Variants in FRYL observed in about 807,000 individuals in gnomAD.
FRYL encodes protein furry homolog-like.
In FRYL, 150 loss-of-function variants were observed where a neutral mutation model predicts 351.2. That is an observed-to-expected ratio of 0.43 (90% CI 0.37 to 0.49). The LOEUF (loss-of-function observed/expected upper bound fraction) is 0.49. Among genes scored for constraint, FRYL ranks in the 20% least tolerant of loss-of-function variants. The probability of loss-of-function intolerance (pLI) is 0.00; values close to 1 mark genes in which losing one functional copy is unlikely to be tolerated. For synonymous variants in FRYL, 1,153 were observed against 1,257.1 expected, an observed-to-expected ratio of 0.92 and a Z score of 1.75; for missense variants, 3,036 against 3,619.3, an observed-to-expected ratio of 0.84 and a Z score of 4.13.
At chr4:48,501,864 T>C in intron 61 of FRYL, 131 bp from the exon 62 acceptor site, 3 of 619,648 alleles carry the variant, frequency 4.8e-6, no homozygotes, top group Non-Finnish European at 8.5e-6. Context: ...GGTATGAAGC[T>C]GATGAAAGGC....
At chr4:48,534,477 C>T in intron 49 of FRYL, 68 bp downstream of exon 49, 1 of 1,229,398 alleles carries the variant, frequency 8.1e-7, no homozygotes, top group Non-Finnish European at 1.2e-6. Flanking sequence ...TAAGGCATTT[C>T]CAATATTGTG....
rs74409222 is a variant in FRYL at position 48,582,851 on chromosome 4, T to A, written c.1749-117A>T. 152 of 710,576 alleles carry A rather than the reference T, an allele frequency of 2.1e-4. No homozygotes were observed. In the African/African-American group the frequency reaches 2.5e-3, roughly 12 times the overall value. 44.0% of individuals were successfully genotyped at this position (710,576 alleles called of 1,614,324 possible). On this transcript the variant is annotated intron_variant, in intron 19 of 63. Transcript: ENST00000358350. The stretch of plus-strand genomic sequence containing the variant: ...CCTCTTAGTTGTTTTGTAAGAAATA[T>A]GAAGATAGCAACCAATGATCACTTT...
chr4:48,669,360 T>C (rs1367373767), intron 3 of FRYL, among the ~76,000 whole-genome samples: 2 of 152,052 alleles, frequency 1.3e-5, no homozygotes, highest in Non-Finnish European at 2.9e-5. Flanking sequence ...TTATGAAACA[T>C]ATGGTGGTCC....
At chr4:48,708,688 G>T (rs999437661) in intron 2 of FRYL, among the ~76,000 whole-genome samples, 1 of 152,136 alleles carries the variant, frequency 6.6e-6, no homozygotes, top group African/African-American at 2.4e-5. Flanking sequence ...AACCTCTTGG[G>T]CTCAAGTAAT....
chr4:48,529,142 G>GA (rs1726959063), intron 50 of FRYL, among the ~76,000 whole-genome samples: 1 of 152,104 alleles, frequency 6.6e-6, no homozygotes, highest in Non-Finnish European at 1.5e-5. Context: ...CCTTTGCATG[G>GA]AATATCCACT....
intron 3 of FRYL, among the ~76,000 whole-genome samples, chr4:48,655,685 T>C (rs913599827): frequency 6.8e-6 from 1 of 147,132 alleles, no homozygotes; most frequent in African/African-American, 2.5e-5. Context: ...TATTATATAA[T>C]GTATATATTA....
intron 49 of FRYL, among the ~76,000 whole-genome samples, chr4:48,533,611 G>A (rs1728184241): frequency 1.3e-5 from 2 of 152,130 alleles, no homozygotes; most frequent in African/African-American, 2.4e-5. Context: ...AATCTATTAA[G>A]GTTGTTAATG....
chr4:48,736,358 T>C (rs1310489959), intron 1 of FRYL, among the ~76,000 whole-genome samples: 1 of 151,384 alleles, frequency 6.6e-6, no homozygotes, highest in African/African-American at 2.4e-5. Flanking sequence ...AAAATAAAAA[T>C]TAGAGTGGAA....
rs573469186 is a variant in FRYL at position 48,535,974 on chromosome 4, C to T, written c.6394-147G>A. 75 of 594,432 alleles carry T rather than the reference C, an allele frequency of 1.3e-4. 1 individual carries two copies. In the South Asian group the frequency reaches 2.6e-3, roughly 20 times the overall value. 36.8% of individuals were successfully genotyped at this position (594,432 alleles called of 1,614,324 possible). A position where few individuals can be genotyped will look rare whatever the true frequency, so the allele number is the denominator to read the frequency against. On this transcript the variant is annotated intron_variant, in intron 47 of 63. Transcript: ENST00000358350. ...ACTTCAATACGTTAGAAAAGTGAAA[C>T]GAGAAAAAAAGCACAAGGCATTCTT...
intron 1 of FRYL, among the ~76,000 whole-genome samples, chr4:48,725,635 C>T (rs1280108364): frequency 6.6e-6 from 1 of 152,190 alleles, no homozygotes; most frequent in Admixed American, 6.5e-5. Context: ...GTGTCCACAT[C>T]CACACTGTCT....
chr4:48,654,197 G>A (rs900888023), intron 3 of FRYL, among the ~76,000 whole-genome samples: 10 of 151,384 alleles, frequency 6.6e-5, no homozygotes, highest in African/African-American at 2.4e-4. Flanking sequence ...CTCTGCCCTT[G>A]GGTACCAACT....
At chr4:48,524,634 G>A (rs1228865258) in intron 53 of FRYL, among the ~76,000 whole-genome samples, 1 of 152,078 alleles carries the variant, frequency 6.6e-6, no homozygotes, top group South Asian at 2.1e-4. Context: ...AATTATGAGG[G>A]ATAAATTAGC....
At chr4:48,607,721 C>T (rs191646129) in intron 9 of FRYL, among the ~76,000 whole-genome samples, 2 of 152,138 alleles carry the variant, frequency 1.3e-5, no homozygotes, top group Non-Finnish European at 2.9e-5. Context: ...TTATTACATG[C>T]ATGAGCAGAA....
At chr4:48,592,662 T>C (rs1487980465) in intron 16 of FRYL, among the ~76,000 whole-genome samples, 2 of 152,172 alleles carry the variant, frequency 1.3e-5, no homozygotes, top group African/African-American at 2.4e-5. Context: ...AAAAAATATA[T>C]AAATAAGAGC....
At chr4:48,571,410 T>C (rs1439459707) in intron 26 of FRYL, among the ~76,000 whole-genome samples, 1 of 152,208 alleles carries the variant, frequency 6.6e-6, no homozygotes, top group Non-Finnish European at 1.5e-5. Flanking sequence ...TGAATAAATA[T>C]GTTTGTATTA....
intron 59 of FRYL, chr4:48,506,163 GTTAT>G (rs1009025806): frequency 6.6e-6 from 1 of 152,056 alleles, no homozygotes; most frequent in African/African-American, 2.4e-5. Context: ...AAACAAACAT[GTTAT>G]TTATTTCCAA....
At chr4:48,718,292 C>A (rs756242363) in intron 1 of FRYL, among the ~76,000 whole-genome samples, 1 of 151,552 alleles carries the variant, frequency 6.6e-6, no homozygotes, top group Non-Finnish European at 1.5e-5. Flanking sequence ...TTAATTAAGG[C>A]AAGCCACTTT....
intron 1 of FRYL, among the ~76,000 whole-genome samples, chr4:48,711,534 G>A (rs1311750588): frequency 1.3e-5 from 2 of 152,228 alleles, no homozygotes. Flanking sequence ...CATTGCCCAG[G>A]CTTGCTTAGG....
chr4:48,510,229 CTT>C, intron 58 of FRYL, 72 bp from the exon 59 acceptor site: 1 of 1,116,580 alleles, frequency 9.0e-7, no homozygotes, highest in South Asian at 1.2e-5. Context: ...AATCATGAGA[CTT>C]TTCAGTCATG....
Sources: gnomAD v4.1 joint callset for allele counts (sites outside exome capture counted in the v4.1 genomes callset) on GRCh38, gnomAD v4.1.1 for gene constraint, MANE v1.5 for transcripts, NCBI Gene and HGNC (gene_info 2026-07-23, HGNC 2026-07-21) for gene names.